PRKCQ: variants seen among roughly 807,000 people sequenced by gnomAD.
PRKCQ encodes the protein protein kinase C theta.
PRKCQ carries 41 observed loss-of-function variants against 91.2 expected under a neutral mutation model. The ratio of observed to expected loss-of-function variants is 0.45; its 90% CI spans 0.35 to 0.58. PRKCQ has a LOEUF of 0.58. Ranked by LOEUF, PRKCQ falls within the 20% of genes least tolerant of loss-of-function variation. The pLI, the probability that PRKCQ is intolerant of heterozygous loss-of-function variation, is 0.00. For missense variants in PRKCQ, 673 were observed against 896.5 expected (o/e 0.75, Z 3.18); for synonymous variants, 307 against 316.9 (o/e 0.97, Z 0.33).
Position 6,430,819 on chromosome 10 carries a change from C to T in PRKCQ, c.1956G>A (p.Arg652=), listed in dbSNP as rs1342078745. The T allele has an allele frequency of 3.1e-6, 5 of 1,613,860 alleles. No homozygotes were observed. Among genetic ancestry groups the T allele is most frequent in the Non-Finnish European group, 4.2e-6 (5 of 1,179,858 alleles). The stretch of plus-strand genomic sequence containing the variant: ...ATGAGCGAGTCCTTACCACTTTCGG[C>T]CGGAACGGTGGGTCAATCTCCTTCC... ...LERKEIDPPF[R]PKVKSPFDCS... Residue 652 remains arginine, a synonymous_variant, in exon 17 of 18, where the codon CGG becomes CGA. Coordinates refer to ENST00000263125, the MANE Select transcript of PRKCQ (RefSeq NM_006257.5). The surrounding 1 kb of genome is among the most constrained non-coding windows in gnomAD (Gnocchi z 4.7).
intron 1 of PRKCQ, among the ~76,000 whole-genome samples, chr10:6,519,899 T>C (rs1361533916): frequency 2.6e-5 from 4 of 152,178 alleles, no homozygotes; most frequent in African/African-American, 7.2e-5. Flanking sequence ...AGCCTGCACT[T>C]TCCCTCTTTG....
chr10:6,420,147 C>A, the PRKCQ span, among the ~76,000 whole-genome samples: 1 of 152,146 alleles, frequency 6.6e-6, no homozygotes, highest in Non-Finnish European at 1.5e-5. Flanking sequence ...CACTACCACA[C>A]CTGGCTAATT....
the PRKCQ span, among the ~76,000 whole-genome samples, chr10:6,415,907 G>T: frequency 6.6e-6 from 1 of 151,858 alleles, no homozygotes; most frequent in Non-Finnish European, 1.5e-5. Flanking sequence ...CAACATGCTT[G>T]GCTAATTTTT....
intron 1 of PRKCQ, among the ~76,000 whole-genome samples, chr10:6,516,210 T>C (rs1588369686): frequency 6.6e-6 from 1 of 152,348 alleles, no homozygotes; most frequent in African/African-American, 2.4e-5. Context: ...ATCTTGGGCC[T>C]GTAATACCTC....
At chr10:6,425,576 A>G (rs1352457268), downstream of PRKCQ, among the ~76,000 whole-genome samples, 1 of 152,122 alleles carries the variant, frequency 6.6e-6, no homozygotes, top group African/African-American at 2.4e-5. Flanking sequence ...AGGACACCTG[A>G]AAGAATAGAA....
the PRKCQ span, among the ~76,000 whole-genome samples, chr10:6,419,088 A>G: frequency 1.3e-5 from 2 of 151,450 alleles, no homozygotes; most frequent in Non-Finnish European, 2.9e-5. Flanking sequence ...TCAATCATCT[A>G]CCTCTGTATT....
Position 6,515,033 on chromosome 10 carries a change from C to G in PRKCQ, c.103G>C (p.Glu35Gln). The change falls in exon 2 of 18, where the codon GAG (glutamate) becomes CAG (glutamine). Residue 35 changes from glutamate to glutamine, a missense_variant. Physicochemically the swap from Glu to Gln is conservative, Grantham distance 29. Coordinates refer to ENST00000263125, the MANE Select transcript of PRKCQ (RefSeq NM_006257.5). ...VNPYCAVLVKEYVESENGQMY... is the reference protein window; with the variant it reads ...VNPYCAVLVKQYVESENGQMY... ...TCAAGCTTACCTGATTCGACATACTCTTTGACGAGCACAGCACAGTAAGGG... is the reference window on the plus strand; with the variant it reads ...TCAAGCTTACCTGATTCGACATACTGTTTGACGAGCACAGCACAGTAAGGG... 1 of 1,613,654 alleles carries G rather than the reference C, an allele frequency of 6.2e-7. No homozygotes were observed. Among genetic ancestry groups the G allele is most frequent in the Non-Finnish European group, 8.5e-7 (1 of 1,179,926 alleles).
intron 15 of PRKCQ, among the ~76,000 whole-genome samples, chr10:6,455,734 G>A (rs975354862): frequency 1.3e-5 from 2 of 152,212 alleles, no homozygotes. Flanking sequence ...ACTTTGGATG[G>A]ACATCAGTTT....
At chr10:6,498,686 A>G in intron 4 of PRKCQ, 128 bp from the exon 5 acceptor site, 1 of 826,558 alleles carries the variant, frequency 1.2e-6, no homozygotes, top group Non-Finnish European at 1.9e-6. Context: ...CTGCTGTAAC[A>G]TTCCAGGTAC....
At chr10:6,409,603 A>C in the PRKCQ span, among the ~76,000 whole-genome samples, 1 of 152,058 alleles carries the variant, frequency 6.6e-6, no homozygotes, top group Non-Finnish European at 1.5e-5. Flanking sequence ...CCTCTTTTTC[A>C]TTTTACATAC....
Position 6,491,684 on chromosome 10 carries a change from A to T in PRKCQ, c.789T>A (p.Asp263Glu), listed in dbSNP as rs761258469. 1 of 1,614,144 alleles carries T rather than the reference A, an allele frequency of 6.2e-7. No individual in the cohort carries two copies. The highest frequency in any genetic ancestry group is 1.1e-5 in the South Asian group (1 of 91,080). ...ATGCTCATCCCCCACTGGACTCACC[A>T]TCACACTTGAGTCCTTGCCGTGCCA... is the stretch of plus-strand genomic sequence containing the variant. Reference protein sequence around the residue: ...WGLARQGLKCDACGMNVHHRC... With the variant: ...WGLARQGLKCEACGMNVHHRC... The change falls in exon 8 of 18, where the codon GAT (aspartate) becomes GAA (glutamate). Residue 263 changes from aspartate (D) to glutamate (E), a missense_variant and splice_region_variant. Coordinates refer to ENST00000263125, the MANE Select transcript of PRKCQ (RefSeq NM_006257.5).
At chr10:6,578,708 G>A (rs988253169) in intron 1 of PRKCQ, among the ~76,000 whole-genome samples, 2 of 152,210 alleles carry the variant, frequency 1.3e-5, no homozygotes, top group African/African-American at 4.8e-5. Flanking sequence ...TGATCTCAGA[G>A]GGATTTTAAA....
chr10:6,457,741 G>T (rs940394384), intron 14 of PRKCQ, among the ~76,000 whole-genome samples: 1 of 152,106 alleles, frequency 6.6e-6, no homozygotes, highest in Non-Finnish European at 1.5e-5. Context: ...CCATCCTCTT[G>T]CCTTTTGCCA....
At chr10:6,446,357 GTTTTTTT>G (rs66839272) in intron 15 of PRKCQ, among the ~76,000 whole-genome samples, 7 of 79,600 alleles carry the variant, frequency 8.8e-5, no homozygotes, top group Non-Finnish European at 2.3e-5. Context: ...ACTATGCTCA[GTTTTTTT>G]TTTTTTTTTT....
At chr10:6,577,503 C>T (rs528531549) in intron 1 of PRKCQ, among the ~76,000 whole-genome samples, 3 of 152,088 alleles carry the variant, frequency 2.0e-5, no homozygotes, top group Non-Finnish European at 2.9e-5. Flanking sequence ...CTATGTATGC[C>T]GTCACAATAC....
the PRKCQ span, among the ~76,000 whole-genome samples, chr10:6,399,932 G>A: frequency 6.6e-6 from 1 of 152,022 alleles, no homozygotes; most frequent in Admixed American, 6.6e-5. Flanking sequence ...ATCGGGGGTT[G>A]GGGGGGCGGA....
At chr10:6,395,323 C>CA in the PRKCQ span, among the ~76,000 whole-genome samples, 21,350 of 151,970 alleles carry the variant, frequency 0.14, 2,019 homozygotes, top group Middle Eastern at 0.22. Flanking sequence ...CTCGGTCTCC[C>CA]AAAGGGCTGG....
intron 1 of PRKCQ, among the ~76,000 whole-genome samples, chr10:6,534,886 T>C (rs1839521728): frequency 6.6e-6 from 1 of 151,148 alleles, no homozygotes; most frequent in Non-Finnish European, 1.5e-5. Context: ...GTATACTGGA[T>C]ATTAGTTGAT....
intron 1 of PRKCQ, among the ~76,000 whole-genome samples, chr10:6,519,744 G>A (rs1415611751): frequency 6.6e-6 from 1 of 152,156 alleles, no homozygotes; most frequent in Non-Finnish European, 1.5e-5. Context: ...GTGCCCCAAA[G>A]TGAACATGGG....
Sources: gnomAD v4.1 joint callset for allele counts (sites outside exome capture counted in the v4.1 genomes callset) on GRCh38, gnomAD v4.1.1 for gene constraint, Gnocchi (gnomAD v3.1) non-coding constraint, MANE v1.5 for transcripts, NCBI Gene and HGNC (gene_info 2026-07-23, HGNC 2026-07-21) for gene names.